DNAI3: variants seen among roughly 807,000 people sequenced by gnomAD.
The protein encoded by DNAI3 is dynein axonemal intermediate chain 3.
Under a neutral mutation model 115.5 loss-of-function variants are expected in DNAI3, and 83 were observed. The observed-to-expected ratio is 0.72, with a 90% confidence interval of 0.60 to 0.86. The LOEUF is 0.86. Ranked by LOEUF, DNAI3 falls within the 40% of genes least tolerant of loss-of-function variation. The pLI is 0.00. For synonymous variants in DNAI3, 320 were observed against 347.0 expected, an observed-to-expected ratio of 0.92 and a Z score of 0.86; for missense variants, 1,004 against 1,075.8, an observed-to-expected ratio of 0.93 and a Z score of 0.93.
Position 85,095,974 on chromosome 1 carries a change from G to C in DNAI3, c.1217G>C (p.Cys406Ser). ...SPDDIFCFKF[C>S]PSDPNIIAGG... ...GATGACATCTTCTGCTTCAAGTTCT[G>C]TCCGAGTGATCCTAATATCATTGCT... The change falls in exon 11 of 23, where the codon TGT becomes TCT. Residue 406 changes from cysteine (C) to serine (S), a missense_variant. This residue lies in a region of DNAI3 where 550 missense variants were observed against 568.1 expected (regional missense o/e 0.97). Coordinates refer to ENST00000294664, the MANE Select transcript of DNAI3 (RefSeq NM_145172.5). 1 of 1,613,898 alleles carries C rather than the reference G, an allele frequency of 6.2e-7. No individual in the cohort carries two copies. The highest frequency in any genetic ancestry group is 8.5e-7 in the Non-Finnish European group (1 of 1,179,892).
intron 16 of DNAI3, among the ~76,000 whole-genome samples, chr1:85,111,995 T>G (rs572176006): frequency 6.6e-6 from 1 of 152,278 alleles, no homozygotes; most frequent in South Asian, 2.1e-4. Context: ...GGATCTACTT[T>G]CTGTCACTAT....
intron 13 of DNAI3, 116 bp from the exon 14 acceptor site, chr1:85,104,408 A>C: frequency 1.2e-6 from 1 of 826,370 alleles, no homozygotes; most frequent in East Asian, 2.8e-5. Flanking sequence ...GGCGTGAGCC[A>C]CTGCCCCCGG....
chr1:85,074,418 A>G (rs1039076368), intron 3 of DNAI3, among the ~76,000 whole-genome samples: 2 of 152,142 alleles, frequency 1.3e-5, no homozygotes, highest in Non-Finnish European at 2.9e-5. Flanking sequence ...CTCTTCGCCA[A>G]CCTACAGCCC....
In DNAI3 at chr1:85,093,548, C is replaced by G. The variant is rs770196441; in HGVS notation, c.948C>G (p.Asp316Glu). ...YLAEEEGTFG[D>E]KTDTHLKEYQ... ...CAGAAGAAGAAGGCACCTTTGGGGACAAGACCGATACCCACCTGAAAGAGT... is the reference window on the plus strand; with the variant it reads ...CAGAAGAAGAAGGCACCTTTGGGGAGAAGACCGATACCCACCTGAAAGAGT... The change falls in exon 9 of 23, where the codon GAC becomes GAG. Residue 316 changes from aspartate to glutamate, a missense_variant. This residue lies in a region of DNAI3 where 550 missense variants were observed against 568.1 expected (regional missense o/e 0.97). Transcript: ENST00000294664. 1 of 1,614,122 alleles carries G rather than the reference C, an allele frequency of 6.2e-7. No homozygotes were observed. The highest frequency in any genetic ancestry group is 1.1e-5 in the South Asian group (1 of 91,080).
intron 22 of DNAI3, among the ~76,000 whole-genome samples, chr1:85,132,464 C>T (rs770726565): frequency 3.9e-5 from 6 of 152,182 alleles, no homozygotes; most frequent in Non-Finnish European, 5.9e-5. Context: ...GGAGACTCAG[C>T]CTGGGACAGT....
chr1:85,105,190 C>A (rs1376013213), intron 14 of DNAI3, among the ~76,000 whole-genome samples: 4 of 152,074 alleles, frequency 2.6e-5, no homozygotes, highest in African/African-American at 9.6e-5. Context: ...CCATACGCCA[C>A]AGAAAAAGGT....
At chr1:85,086,820 A>G (rs186266881) in intron 7 of DNAI3, among the ~76,000 whole-genome samples, 193 of 152,092 alleles carry the variant, frequency 1.3e-3, no homozygotes, top group Non-Finnish European at 2.4e-3. Flanking sequence ...TCAGTTCTCC[A>G]TAGAGAAGCC....
chr1:85,091,143 AT>A (rs1654960688), intron 8 of DNAI3, among the ~76,000 whole-genome samples: 1 of 152,186 alleles, frequency 6.6e-6, no homozygotes, highest in Non-Finnish European at 1.5e-5. Context: ...TATACGGGCA[AT>A]GAGATAGAAA....
At chr1:85,113,673 G>GT (rs1571192922) in intron 16 of DNAI3, among the ~76,000 whole-genome samples, 1 of 151,348 alleles carries the variant, frequency 6.6e-6, no homozygotes, top group Non-Finnish European at 1.5e-5. Flanking sequence ...TTTGACTGTT[G>GT]TAAGTTTTTT....
At chr1:85,104,366 C>T (rs1411043601) in intron 13 of DNAI3, among the ~76,000 whole-genome samples, 158 bp from the exon 14 acceptor site, 1 of 152,238 alleles carries the variant, frequency 6.6e-6, no homozygotes, top group Non-Finnish European at 1.5e-5. Flanking sequence ...GTGATCCTCC[C>T]TGCCTCAGCC....
At chr1:85,104,978 A>G (rs984353324) in intron 14 of DNAI3, among the ~76,000 whole-genome samples, 1 of 152,220 alleles carries the variant, frequency 6.6e-6, no homozygotes, top group Admixed American at 6.5e-5. Context: ...TTTTTATTGT[A>G]TATTTATAAA....
intron 1 of DNAI3, among the ~76,000 whole-genome samples, chr1:85,066,251 A>G (rs1353151774): frequency 2.0e-5 from 3 of 151,810 alleles, no homozygotes; most frequent in Non-Finnish European, 4.4e-5. Flanking sequence ...CAGTCAAAAC[A>G]CAAGCCACTG....
At chr1:85,080,513 G>A (rs1654607942) in intron 3 of DNAI3, among the ~76,000 whole-genome samples, 1 of 152,122 alleles carries the variant, frequency 6.6e-6, no homozygotes, top group South Asian at 2.1e-4. Context: ...TTAGCAGGTG[G>A]GCAGGGCTGC....
At chr1:85,082,234 G>A in intron 4 of DNAI3, 66 bp from the exon 5 acceptor site, 3 of 1,252,282 alleles carry the variant, frequency 2.4e-6, no homozygotes, top group Non-Finnish European at 3.4e-6. Context: ...TGAATTTTGT[G>A]TTGGCATCAA....
chr1:85,102,524 A>G (rs1290579503), intron 13 of DNAI3, among the ~76,000 whole-genome samples: 1 of 152,208 alleles, frequency 6.6e-6, no homozygotes, highest in East Asian at 1.9e-4. Context: ...TAAGGCAACA[A>G]TAATGTGCCA....
At chr1:85,128,125 C>CAAAAAA (rs11344833) in intron 20 of DNAI3, among the ~76,000 whole-genome samples, 67 of 64,346 alleles carry the variant, frequency 1.0e-3, no homozygotes, top group East Asian at 1.5e-3. Context: ...GACCCTGTCT[C>CAAAAAA]AAAAAAAAAA....
chr1:85,079,190 C>T (rs1654550919), intron 3 of DNAI3, among the ~76,000 whole-genome samples: 1 of 152,194 alleles, frequency 6.6e-6, no homozygotes, highest in Non-Finnish European at 1.5e-5. Context: ...CAGAGGAGTA[C>T]TTGATTCGAA....
At chr1:85,127,434 G>A (rs573736330) in intron 20 of DNAI3, among the ~76,000 whole-genome samples, 14 of 151,824 alleles carry the variant, frequency 9.2e-5, no homozygotes, top group Admixed American at 3.9e-4. Flanking sequence ...TTGCAGTGAC[G>A]TCTTGCTCTG....
rs1191689572 is a variant in DNAI3 at position 85,117,793 on chromosome 1, A to G, written c.1851A>G (p.Glu617=). 1.2e-6 allele frequency: 2 copies of G among 1,613,944 alleles called. No homozygotes were observed. The highest frequency in any genetic ancestry group is 1.7e-6 in the Non-Finnish European group (2 of 1,179,848). Residue 617 remains glutamate, a synonymous_variant, in exon 17 of 23, where the codon GAA becomes GAG. Coordinates refer to ENST00000294664, the MANE Select transcript of DNAI3 (RefSeq NM_145172.5). ...AAATGAACCCGTATCATAATCTGGA[A>G]AGTGGGATGGCCAATCTTCTCAAGC... ...AEEMNPYHNL[E]SGMANLLKPI...
Sources: gnomAD v4.1 joint callset for allele counts (sites outside exome capture counted in the v4.1 genomes callset) on GRCh38, gnomAD v4.1.1 for gene constraint, gnomAD v4.1.1 regional missense constraint, MANE v1.5 for transcripts, NCBI Gene and HGNC (gene_info 2026-07-23, HGNC 2026-07-21) for gene names.